Variants in KCNMB4 observed in about 807,000 individuals in gnomAD.
The protein encoded by KCNMB4 is calcium-activated potassium channel subunit beta-4.
In KCNMB4, 3 loss-of-function variants were observed where a neutral mutation model predicts 20.7. The ratio of observed to expected loss-of-function variants is 0.14; its 90% confidence interval spans 0.07 to 0.37. KCNMB4 has a LOEUF of 0.37. Among genes scored for constraint, KCNMB4 ranks in the 10% least tolerant of loss-of-function variants. The pLI, the probability that KCNMB4 is intolerant of heterozygous loss-of-function variation, is 1.00. For missense variants in KCNMB4, 168 were observed against 265.9 expected, an observed-to-expected ratio of 0.63 and a Z score of 2.56; for synonymous variants, 110 against 113.4, an observed-to-expected ratio of 0.97 and a Z score of 0.19.
At chr12:70,393,939 C>T (rs1469527078) in intron 1 of KCNMB4, among the ~76,000 whole-genome samples, 4 of 152,162 alleles carry the variant, frequency 2.6e-5, no homozygotes, top group Non-Finnish European at 4.4e-5. Flanking sequence ...CATTCTCTGA[C>T]AAGCAAATTC....
chr12:70,384,256 G>A (rs976830431), intron 1 of KCNMB4, among the ~76,000 whole-genome samples: 1 of 152,058 alleles, frequency 6.6e-6, no homozygotes, highest in African/African-American at 2.4e-5. Flanking sequence ...CCATAAATAC[G>A]ATTTTTGACC....
At chr12:70,390,103 C>G (rs889222803) in intron 1 of KCNMB4, among the ~76,000 whole-genome samples, 1 of 152,192 alleles carries the variant, frequency 6.6e-6, no homozygotes, top group African/African-American at 2.4e-5. Context: ...TCAATGAGCT[C>G]AAATTTGCTC....
At chr12:70,405,185 C>T (rs1868564816) in intron 2 of KCNMB4, among the ~76,000 whole-genome samples, 1 of 152,108 alleles carries the variant, frequency 6.6e-6, no homozygotes, top group Non-Finnish European at 1.5e-5. Context: ...AAACACTCAA[C>T]AGAGTGAAAA....
At chr12:70,380,972 CAGAA>C (rs1421360116) in intron 1 of KCNMB4, among the ~76,000 whole-genome samples, 9 of 152,152 alleles carry the variant, frequency 5.9e-5, no homozygotes, top group African/African-American at 9.6e-5. Flanking sequence ...ACAAGTGTAA[CAGAA>C]AGAAAATATT....
At chr12:70,396,298 C>T (rs1486916931) in intron 1 of KCNMB4, among the ~76,000 whole-genome samples, 1 of 152,120 alleles carries the variant, frequency 6.6e-6, no homozygotes, top group Admixed American at 6.6e-5. Context: ...GCCATTGGGA[C>T]CTTGAGAAAG....
intron 2 of KCNMB4, among the ~76,000 whole-genome samples, chr12:70,406,741 G>A (rs1868612374): frequency 6.6e-6 from 1 of 152,144 alleles, no homozygotes; most frequent in Non-Finnish European, 1.5e-5. Flanking sequence ...CTTGGGAACT[G>A]CGTGTTGTAA....
chr12:70,378,567 C>T (rs1427553949), intron 1 of KCNMB4, among the ~76,000 whole-genome samples: 2 of 152,030 alleles, frequency 1.3e-5, no homozygotes, highest in South Asian at 2.1e-4. Flanking sequence ...GATGGAGTCT[C>T]GCTGTGCCAC....
chr12:70,375,992 TA>T (rs1005205974), intron 1 of KCNMB4, among the ~76,000 whole-genome samples: 2 of 152,088 alleles, frequency 1.3e-5, no homozygotes, highest in African/African-American at 4.8e-5. Context: ...TGTGATTATA[TA>T]CCATGATGAA....
At chr12:70,376,137 CA>C (rs1441736316) in intron 1 of KCNMB4, among the ~76,000 whole-genome samples, 1 of 126,772 alleles carries the variant, frequency 7.9e-6, no homozygotes, top group African/African-American at 3.3e-5. Flanking sequence ...CAAAATTTAA[CA>C]ATCCTTTCAT....
At chr12:70,399,992 A>T (rs1868409748) in intron 1 of KCNMB4, among the ~76,000 whole-genome samples, 1 of 151,994 alleles carries the variant, frequency 6.6e-6, no homozygotes, top group African/African-American at 2.4e-5. Flanking sequence ...ACTGAAGTTT[A>T]TTTTTTGCTG....
At chr12:70,393,705 G>T (rs569313004) in intron 1 of KCNMB4, among the ~76,000 whole-genome samples, 5 of 152,146 alleles carry the variant, frequency 3.3e-5, no homozygotes, top group Admixed American at 3.3e-4. Context: ...GCATTGGAGC[G>T]TGGGTGTATT....
chr12:70,419,205 C>T (rs1565866212), intron 2 of KCNMB4, among the ~76,000 whole-genome samples: 1 of 152,124 alleles, frequency 6.6e-6, no homozygotes, highest in Non-Finnish European at 1.5e-5. Context: ...CATCCTAAAT[C>T]AACATTTCCA....
intron 2 of KCNMB4, among the ~76,000 whole-genome samples, chr12:70,414,708 A>T (rs1455534276): frequency 6.6e-6 from 1 of 152,198 alleles, no homozygotes; most frequent in Non-Finnish European, 1.5e-5. Context: ...ACTTAATTAA[A>T]TTTGCTCTCC....
At chr12:70,396,082 A>G (rs1868348180) in intron 1 of KCNMB4, among the ~76,000 whole-genome samples, 1 of 152,160 alleles carries the variant, frequency 6.6e-6, no homozygotes, top group African/African-American at 2.4e-5. Context: ...ACTTGCCTCA[A>G]CCCATCAGCT....
In KCNMB4 at chr12:70,366,608, C is replaced by T; in HGVS notation, c.-127C>T. 3.5e-6 allele frequency: 2 copies of T among 576,694 alleles called. No homozygotes were observed. The highest frequency in any genetic ancestry group is 4.9e-6 in the Non-Finnish European group (2 of 412,334). 35.7% of individuals were successfully genotyped at this position (576,694 alleles called of 1,614,324 possible). ...GTTCTCGCGCGCTCCCCCTCGCCGC[C>T]CACTCCCCTGCTGTCGCGCGGCGGC... On this transcript the variant is annotated 5_prime_UTR_variant, in exon 1 of 3. Coordinates refer to ENST00000258111, the MANE Select transcript of KCNMB4 (RefSeq NM_014505.6).
rs937999678 is a variant in KCNMB4 at position 70,431,796 on chromosome 12, C to G, written c.*1143C>G. The G allele has an allele frequency of 6.6e-6, 1 of 152,116 alleles. No homozygotes were observed. Among genetic ancestry groups the G allele is most frequent in the Non-Finnish European group, 1.5e-5 (1 of 68,024 alleles). The allele number at this position is 152,116 out of a possible 1,614,324, so 9.4% of individuals were successfully genotyped here. On this transcript the variant is annotated 3_prime_UTR_variant, in exon 3 of 3. Transcript: ENST00000258111. ...TCTCAGTGAACATCAAACCTATTTA[C>G]TACATAGAATCAAACCTTTGTTTAG...
intron 2 of KCNMB4, chr12:70,422,677 G>GAA (rs1248506366): frequency 1.4e-5 from 18 of 1,286,434 alleles, no homozygotes; most frequent in Admixed American, 4.6e-5. Context: ...AAAAAAGACA[G>GAA]AAAGTCATAA....
chr12:70,389,665 G>A (rs933165799), intron 1 of KCNMB4, among the ~76,000 whole-genome samples: 1 of 152,150 alleles, frequency 6.6e-6, no homozygotes, highest in African/African-American at 2.4e-5. Context: ...CTGCACTTTA[G>A]CCTGGGTGAC....
In KCNMB4 at chr12:70,431,857, A is replaced by C. The variant is rs1270040522; in HGVS notation, c.*1204A>C. The C allele has an allele frequency of 6.6e-6, 1 of 152,112 alleles. No homozygotes were observed. Among genetic ancestry groups the C allele is most frequent in the East Asian group, 1.9e-4 (1 of 5,188 alleles). The allele number at this position is 152,112 out of a possible 1,614,324, so 9.4% of individuals were successfully genotyped here. On this transcript the variant is annotated 3_prime_UTR_variant, in exon 3 of 3. Transcript: ENST00000258111. ...CATCGTTAGTGGAGGAAAAACTGAC[A>C]ACCTAATTTCATTTGTTTTCTTCTG...
Sources: gnomAD v4.1 joint callset for allele counts (sites outside exome capture counted in the v4.1 genomes callset) on GRCh38, gnomAD v4.1.1 for gene constraint, MANE v1.5 for transcripts, NCBI Gene and HGNC (gene_info 2026-07-23, HGNC 2026-07-21) for gene names.